Variants in ITGA9 observed in about 807,000 individuals in gnomAD.
ITGA9 encodes the protein integrin alpha-9.
A neutral mutation model predicts 127.8 loss-of-function variants in ITGA9; 56 were observed. The ratio of observed to expected loss-of-function variants is 0.44; its 90% CI spans 0.35 to 0.55. The LOEUF (loss-of-function observed/expected upper bound fraction) is 0.55, where lower values mean the gene tolerates loss of function less well. Ranked by LOEUF, ITGA9 falls within the 20% of genes least tolerant of loss-of-function variation. The probability of loss-of-function intolerance (pLI) is 0.00; values close to 1 mark genes in which losing one functional copy is unlikely to be tolerated. For missense variants in ITGA9, 1,196 were observed against 1,347.1 expected (o/e 0.89, Z 1.76); for synonymous variants, 508 against 514.5 (o/e 0.99, Z 0.17).
chr3:37,699,346 A>G (rs1700921320), intron 18 of ITGA9, among the ~76,000 whole-genome samples: 1 of 152,170 alleles, frequency 6.6e-6, no homozygotes, highest in Non-Finnish European at 1.5e-5. Flanking sequence ...GTCCAAAATG[A>G]GTTCCTGATC....
chr3:37,676,651 G>A (rs1418465735), intron 17 of ITGA9, among the ~76,000 whole-genome samples: 2 of 152,166 alleles, frequency 1.3e-5, no homozygotes, highest in Non-Finnish European at 2.9e-5. Context: ...CTTCACTTTG[G>A]TGTTTTATTA....
Position 37,750,517 on chromosome 3 carries a change from C to G in ITGA9, c.2489C>G (p.Pro830Arg), listed in dbSNP as rs922161718. The G allele has an allele frequency of 6.2e-7, 1 of 1,613,830 alleles. No individual in the cohort carries two copies. The highest frequency in any genetic ancestry group is 1.3e-5 in the African/African-American group (1 of 74,932). The change falls in exon 23 of 28, where the codon CCT (proline) becomes CGT (arginine). Residue 830 changes from proline to arginine, a missense_variant. Transcript: ENST00000264741. ...LPGSSVSISF[P>R]NRLSSGGAEM... ...GGGTCATCTGTCAGCATCTCTTTCC[C>G]TAATCGACTCTCATCTGGTGGTGCA...
intron 1 of ITGA9, among the ~76,000 whole-genome samples, chr3:37,469,758 C>G (rs1294513035): frequency 6.6e-6 from 1 of 152,026 alleles, no homozygotes; most frequent in Non-Finnish European, 1.5e-5. Context: ...CAGTTGAATG[C>G]TGTTCATTTG....
At chr3:37,558,988 T>G (rs1699459239) in intron 15 of ITGA9, among the ~76,000 whole-genome samples, 1 of 152,224 alleles carries the variant, frequency 6.6e-6, no homozygotes, top group South Asian at 2.1e-4. Context: ...CACCTGTATT[T>G]GTGTTACTTG....
chr3:37,690,267 C>T (rs959749680), intron 18 of ITGA9, among the ~76,000 whole-genome samples: 1 of 152,094 alleles, frequency 6.6e-6, no homozygotes, highest in Non-Finnish European at 1.5e-5. Context: ...CAGGAGAGAA[C>T]CCGGTAGGAT....
At chr3:37,757,013 G>A (rs6782755) in intron 23 of ITGA9, among the ~76,000 whole-genome samples, 24,478 of 149,728 alleles carry the variant, frequency 0.16, 2,278 homozygotes, top group East Asian at 0.33. Flanking sequence ...ATGGGATTTA[G>A]ACAAAACCAA....
intron 15 of ITGA9, among the ~76,000 whole-genome samples, chr3:37,620,738 T>C (rs1354800564): frequency 6.6e-6 from 1 of 152,094 alleles, no homozygotes; most frequent in East Asian, 1.9e-4. Flanking sequence ...AGGTGCCCCA[T>C]CAGCCTGAGG....
At chr3:37,555,784 A>G (rs746219432) in intron 15 of ITGA9, among the ~76,000 whole-genome samples, 2 of 152,264 alleles carry the variant, frequency 1.3e-5, no homozygotes, top group Admixed American at 6.5e-5. Context: ...ACAAATGTTT[A>G]TATCCACATA....
intron 14 of ITGA9, among the ~76,000 whole-genome samples, chr3:37,541,896 G>A (rs1382176500): frequency 1.3e-5 from 2 of 152,198 alleles, no homozygotes; most frequent in African/African-American, 4.8e-5. Flanking sequence ...CGGGCACATG[G>A]TCTGGTCCAT....
At chr3:37,747,716 C>CTTTTTTTTTT (rs56897652) in intron 22 of ITGA9, among the ~76,000 whole-genome samples, 26 of 140,020 alleles carry the variant, frequency 1.9e-4, no homozygotes, top group Admixed American at 1.4e-4. Context: ...CCTTTTTTTT[C>CTTTTTTTTTT]TTTTTTTTTT....
At chr3:37,690,572 G>A (rs924334369) in intron 18 of ITGA9, among the ~76,000 whole-genome samples, 3 of 152,180 alleles carry the variant, frequency 2.0e-5, no homozygotes, top group African/African-American at 7.2e-5. Flanking sequence ...CATGGAAACA[G>A]ACCTGGACAT....
intron 7 of ITGA9, among the ~76,000 whole-genome samples, chr3:37,507,912 A>C (rs1373557284): frequency 6.6e-6 from 1 of 152,248 alleles, no homozygotes; most frequent in Non-Finnish European, 1.5e-5. Context: ...AGTCAAGTAC[A>C]TTTAGGAAGT....
chr3:37,709,058 TA>T (rs1220323138), intron 18 of ITGA9, among the ~76,000 whole-genome samples: 1 of 152,218 alleles, frequency 6.6e-6, no homozygotes, highest in African/African-American at 2.4e-5. Flanking sequence ...TTCTTTTTTT[TA>T]ATGCTGCCTC....
At chr3:37,640,058 C>T (rs1262638037) in intron 16 of ITGA9, among the ~76,000 whole-genome samples, 1 of 152,240 alleles carries the variant, frequency 6.6e-6, no homozygotes, top group Non-Finnish European at 1.5e-5. Context: ...GACCTGGCTA[C>T]AGCAGGGCTT....
At position 37,653,736 on chromosome 3, in the gene ITGA9, G is replaced by T; in HGVS notation, c.1862G>T (p.Arg621Leu). Residue 621 changes from arginine to leucine, a missense_variant, in exon 17 of 28, where the codon CGT becomes CTT. Arg to Leu is a moderately radical substitution (Grantham distance 102). Transcript: ENST00000264741. The part of the protein sequence containing the change: ...KNQTVFERNC[R>L]SEDCAADLQL... ...CAGACTGTTTTTGAAAGGAATTGCC[G>T]TTCAGAGGACTGTGCCGCAGACCTG... The T allele has an allele frequency of 6.2e-7, 1 of 1,613,712 alleles. No individual in the cohort carries two copies. The highest frequency in any genetic ancestry group is 1.7e-5 in the Admixed American group (1 of 60,008).
intron 15 of ITGA9, among the ~76,000 whole-genome samples, chr3:37,610,204 G>T (rs1700003347): frequency 6.6e-6 from 1 of 152,138 alleles, no homozygotes; most frequent in African/African-American, 2.4e-5. Context: ...ATGGCTTGTT[G>T]TGTCTCCTAA....
At chr3:37,549,911 A>C (rs267530) in intron 15 of ITGA9, among the ~76,000 whole-genome samples, 1 of 152,048 alleles carries the variant, frequency 6.6e-6, no homozygotes, top group Admixed American at 6.5e-5. Flanking sequence ...TTAGTATTAA[A>C]GAATGTAGTA....
At chr3:37,594,567 G>A (rs1046020798) in intron 15 of ITGA9, among the ~76,000 whole-genome samples, 18 of 152,034 alleles carry the variant, frequency 1.2e-4, no homozygotes, top group Non-Finnish European at 2.2e-4. Context: ...GAGGTGAAGG[G>A]CACAGACTTG....
At chr3:37,513,198 CTT>C (rs1698950868) in intron 8 of ITGA9, among the ~76,000 whole-genome samples, 1 of 152,112 alleles carries the variant, frequency 6.6e-6, no homozygotes, top group South Asian at 2.1e-4. Context: ...TGTAACATAA[CTT>C]TGTGTCCTCA....
Sources: allele counts gnomAD v4.1 joint callset (sites outside exome capture counted in the v4.1 genomes callset), GRCh38; gene constraint gnomAD v4.1.1; transcripts MANE v1.5; gene names NCBI Gene and HGNC (gene_info 2026-07-23, HGNC 2026-07-21).